Variants in NFAT5 observed in about 807,000 individuals in gnomAD.
NFAT5 encodes nuclear factor of activated T-cells 5.
Under a neutral mutation model 166.5 loss-of-function variants are expected in NFAT5, and 31 were observed. That is an observed-to-expected ratio of 0.19 (90% CI 0.14 to 0.25). NFAT5 has a LOEUF of 0.25. Among genes scored for constraint, NFAT5 ranks in the 10% least tolerant of loss-of-function variants. The pLI is 1.00. For missense variants in NFAT5, 1,449 were observed against 1,821.8 expected (o/e 0.80, Z 3.72); for synonymous variants, 612 against 639.7 (o/e 0.96, Z 0.65).
At chr16:69,643,170 A>T (rs2035287793) in intron 3 of NFAT5, among the ~76,000 whole-genome samples, 1 of 150,328 alleles carries the variant, frequency 6.7e-6, no homozygotes, top group Non-Finnish European at 1.5e-5. Flanking sequence ...GTGAGCCGAG[A>T]TCGCGCCACT....
intron 2 of NFAT5, among the ~76,000 whole-genome samples, chr16:69,588,680 A>C (rs1029284223): frequency 2.0e-5 from 3 of 152,244 alleles, no homozygotes; most frequent in Non-Finnish European, 4.4e-5. Context: ...GATCTCCCAT[A>C]TCAAATATAT....
intron 2 of NFAT5, among the ~76,000 whole-genome samples, chr16:69,572,010 C>T (rs1597331494): frequency 1.3e-5 from 2 of 152,084 alleles, no homozygotes; most frequent in Non-Finnish European, 2.9e-5. Flanking sequence ...GATCCGCCTG[C>T]GTCAGCCTCC....
chr16:69,589,075 A>G (rs931725925), intron 2 of NFAT5, among the ~76,000 whole-genome samples: 128 of 140,780 alleles, frequency 9.1e-4, no homozygotes, highest in African/African-American at 3.2e-3. Context: ...GCTCACCACA[A>G]CCTCCACGTC....
At chr16:69,619,416 T>C (rs1220532260) in intron 2 of NFAT5, among the ~76,000 whole-genome samples, 1 of 152,208 alleles carries the variant, frequency 6.6e-6, no homozygotes, top group Non-Finnish European at 1.5e-5. Flanking sequence ...TTATTTCTAC[T>C]CCTCCTGTCT....
At chr16:69,678,614 T>C (rs2036929826) in intron 10 of NFAT5, among the ~76,000 whole-genome samples, 1 of 152,254 alleles carries the variant, frequency 6.6e-6, no homozygotes, top group Non-Finnish European at 1.5e-5. Context: ...AGCCTCCTTT[T>C]GGCAGAAATG....
intron 7 of NFAT5, among the ~76,000 whole-genome samples, chr16:69,663,769 TGA>T (rs1227618898): frequency 6.6e-6 from 1 of 151,940 alleles, no homozygotes; most frequent in Non-Finnish European, 1.5e-5. Context: ...CCCAGCTACT[TGA>T]GAGACTATGA....
chr16:69,625,647 G>A (rs937722480), intron 2 of NFAT5, among the ~76,000 whole-genome samples: 3 of 151,902 alleles, frequency 2.0e-5, no homozygotes, highest in Admixed American at 6.6e-5. Flanking sequence ...TCTCAAGGGT[G>A]TTGGGTAAAA....
rs1190306661 is a variant in NFAT5, at chr16:69,568,346, A to ATATATATATGTG, written c.74-148_74-147insATATATATGTGT. On this transcript the variant is annotated intron_variant, in intron 1 of 14. Transcript: ENST00000349945. The stretch of plus-strand genomic sequence containing the variant: ...AAAATGTATGTGTGTATATATATAT[A>ATATATATATGTG]TGTGTGTGTGTGTGTGTGTGTGTGT... The ATATATATATGTG allele has an allele frequency of 2.2e-5, 4 of 180,610 alleles. No homozygotes were observed. The East Asian group carries it at 3.8e-4, about 17-fold the overall frequency. 11.2% of individuals were successfully genotyped at this position (180,610 alleles called of 1,614,324 possible).
chr16:69,634,426 T>C (rs2034864266), intron 3 of NFAT5, among the ~76,000 whole-genome samples: 3 of 152,168 alleles, frequency 2.0e-5, no homozygotes, highest in Non-Finnish European at 4.4e-5. Context: ...CAATAAACTG[T>C]ACTCTTAAAA....
chr16:69,608,329 A>G (rs72801333), intron 2 of NFAT5, among the ~76,000 whole-genome samples: 8,968 of 152,242 alleles, frequency 0.059, 290 homozygotes, highest in Middle Eastern at 0.11. Context: ...TAGATACTCT[A>G]AGGAGATCCT....
chr16:69,616,683 C>T lies in NFAT5; in HGVS notation c.128-9720C>T, dbSNP rs370583657. Among the ~76,000 whole-genome samples the T allele has an allele frequency of 4.6e-5, 7 of 152,170 alleles. No homozygotes were observed. In the East Asian group the frequency reaches 1.4e-3, roughly 30 times the overall value. ...TGCACAGATATTCATATATTCTTCA[C>T]CCTGCTTAGGCTCTGACACCACACA... On this transcript the variant is annotated intron_variant, in intron 2 of 14. Transcript: ENST00000349945.
intron 13 of NFAT5, among the ~76,000 whole-genome samples, chr16:69,694,793 C>T (rs895178834): frequency 3.9e-5 from 6 of 152,138 alleles, no homozygotes; most frequent in African/African-American, 1.4e-4. Context: ...CAGATAATAC[C>T]TTACCCAGTT....
chr16:69,663,500 T>C (rs1325323430), intron 7 of NFAT5, among the ~76,000 whole-genome samples: 1 of 146,494 alleles, frequency 6.8e-6, no homozygotes, highest in Non-Finnish European at 1.5e-5. Flanking sequence ...CTTGGGAGGC[T>C]GAGGAAGGAG....
chr16:69,588,816 A>G (rs1369710990), intron 2 of NFAT5, among the ~76,000 whole-genome samples: 1 of 152,148 alleles, frequency 6.6e-6, no homozygotes, highest in Non-Finnish European at 1.5e-5. Flanking sequence ...CCTAGAAGAG[A>G]GAACCCATCC....
At chr16:69,648,652 A>T in intron 4 of NFAT5, 1 of 968,268 alleles carries the variant, frequency 1.0e-6, no homozygotes, top group South Asian at 4.8e-5. Flanking sequence ...TAGTAATTTT[A>T]TTGTAATATT....
chr16:69,571,999 T>C (rs1195897196), intron 2 of NFAT5, among the ~76,000 whole-genome samples: 1 of 152,110 alleles, frequency 6.6e-6, no homozygotes, highest in African/African-American at 2.4e-5. Context: ...CCTGATCTCG[T>C]GATCCGCCTG....
chr16:69,673,424 G>A lies in NFAT5; in HGVS notation c.1557+3136G>A, dbSNP rs568809957. On this transcript the variant is annotated intron_variant, in intron 9 of 14. Transcript: ENST00000349945. The stretch of plus-strand genomic sequence containing the variant: ...AAACCCACAAAGCAAACCTTTAGGG[G>A]GAAGAAAATGTGTTGAGACTGGGCA... Among the ~76,000 whole-genome samples the A allele has an allele frequency of 1.8e-4, 27 of 152,122 alleles. 1 individual carries two copies. The highest frequency in any genetic ancestry group is 6.5e-4 in the African/African-American group (27 of 41,526).
At chr16:69,599,245 G>T (rs575033512) in intron 2 of NFAT5, among the ~76,000 whole-genome samples, 5 of 152,028 alleles carry the variant, frequency 3.3e-5, no homozygotes, top group African/African-American at 9.7e-5. Context: ...CACTTTAAAA[G>T]GGTGGAACTT....
chr16:69,612,862 CA>C (rs200524788), intron 2 of NFAT5, among the ~76,000 whole-genome samples: 12 of 114,480 alleles, frequency 1.0e-4, no homozygotes, highest in Admixed American at 8.8e-5. Flanking sequence ...AATCCTGTCT[CA>C]AAAAAAAAAA....
Sources: gnomAD v4.1 joint callset for allele counts (sites outside exome capture counted in the v4.1 genomes callset) on GRCh38, gnomAD v4.1.1 for gene constraint, MANE v1.5 for transcripts, NCBI Gene and HGNC (gene_info 2026-07-23, HGNC 2026-07-21) for gene names.